The following GRM8 variants were observed in gnomAD, a reference collection of about 807,000 sequenced individuals.
GRM8 encodes metabotropic glutamate receptor 8.
In GRM8, 47 loss-of-function variants were observed where a neutral mutation model predicts 87.2. The ratio of observed to expected loss-of-function variants is 0.54; its 90% CI spans 0.43 to 0.69. The LOEUF (loss-of-function observed/expected upper bound fraction) is 0.69, where lower values mean the gene tolerates loss of function less well. GRM8 is among the 30% of genes least tolerant of loss of function. The probability of loss-of-function intolerance (pLI) is 0.00; values close to 1 mark genes in which losing one functional copy is unlikely to be tolerated. For missense variants in GRM8, 1,019 were observed against 1,139.2 expected (o/e 0.89, Z 1.52); for synonymous variants, 396 against 404.5 (o/e 0.98, Z 0.25).
chr7:127,184,773 G>A (rs1794648208), intron 2 of GRM8, among the ~76,000 whole-genome samples: 1 of 151,936 alleles, frequency 6.6e-6, no homozygotes, highest in Non-Finnish European at 1.5e-5. Flanking sequence ...AGTGAGTATA[G>A]CAAGGTCACT....
chr7:127,042,202 C>T (rs1818490171), intron 3 of GRM8, among the ~76,000 whole-genome samples: 1 of 152,154 alleles, frequency 6.6e-6, no homozygotes, highest in Non-Finnish European at 1.5e-5. Context: ...CAGGGGAATA[C>T]TTTAGAGTTC....
At chr7:126,849,231 T>C (rs761154505) in intron 6 of GRM8, among the ~76,000 whole-genome samples, 26 of 152,180 alleles carry the variant, frequency 1.7e-4, no homozygotes, top group Non-Finnish European at 3.4e-4. Context: ...TGATAAATAC[T>C]TGTCCCATTA....
intron 7 of GRM8, among the ~76,000 whole-genome samples, chr7:126,700,197 C>G (rs986210564): frequency 6.6e-6 from 1 of 152,082 alleles, no homozygotes; most frequent in African/African-American, 2.4e-5. Flanking sequence ...AGCAATTTCA[C>G]AATATCTAGA....
chr7:127,174,205 A>G (rs1005797276), intron 2 of GRM8, among the ~76,000 whole-genome samples: 1 of 152,132 alleles, frequency 6.6e-6, no homozygotes, highest in South Asian at 2.1e-4. Flanking sequence ...TCCCTCTTTC[A>G]CTGTCATAAC....
chr7:127,147,473 T>A lies in GRM8; in HGVS notation c.511-40761A>T, dbSNP rs11563704. Reference sequence around the variant, plus strand: ...TGGGTACTTCTCTGCTAACTACTAATAAGCTGCAGTTTTCTCTTGGTCTCT... The same window carrying A: ...TGGGTACTTCTCTGCTAACTACTAAAAAGCTGCAGTTTTCTCTTGGTCTCT... On this transcript the variant is annotated intron_variant, in intron 2 of 10. Coordinates refer to ENST00000339582, the MANE Select transcript of GRM8 (RefSeq NM_000845.3). Among the ~76,000 whole-genome samples, 1,148 of 152,148 alleles carry A rather than the reference T, an allele frequency of 7.5e-3. 12 individuals are homozygous for A. Among genetic ancestry groups the A allele is most frequent in the Middle Eastern group, 0.024 (7 of 294 alleles).
intron 7 of GRM8, among the ~76,000 whole-genome samples, chr7:126,611,496 CA>C (rs1350074489): frequency 6.6e-6 from 1 of 152,118 alleles, no homozygotes; most frequent in Non-Finnish European, 1.5e-5. Flanking sequence ...TATTGAAATT[CA>C]AATGAGGAAG....
chr7:126,630,945 G>T (rs971326681), intron 7 of GRM8, among the ~76,000 whole-genome samples: 1 of 152,092 alleles, frequency 6.6e-6, no homozygotes, highest in African/African-American at 2.4e-5. Context: ...GGCAAAAGCT[G>T]AAAGCATTCC....
chr7:126,523,341 G>A (rs1554379874), intron 9 of GRM8, among the ~76,000 whole-genome samples: 2 of 151,856 alleles, frequency 1.3e-5, no homozygotes, highest in Non-Finnish European at 1.5e-5. Context: ...GAGTTTGAAT[G>A]TTTTTTTGTT....
intron 6 of GRM8, among the ~76,000 whole-genome samples, chr7:126,801,550 A>C (rs1199874507): frequency 1.5e-5 from 1 of 66,564 alleles, no homozygotes; most frequent in South Asian, 4.6e-4. Context: ...TAGTATTACT[A>C]TGTGGCTGGT....
In GRM8 at chr7:126,685,309, G is replaced by T. The variant is rs554939850; in HGVS notation, c.1358-75811C>A. Among the ~76,000 whole-genome samples, 1 of 152,142 alleles carries T rather than the reference G, an allele frequency of 6.6e-6. No individual in the cohort carries two copies. Among genetic ancestry groups the T allele is most frequent in the African/African-American group, 2.4e-5 (1 of 41,446 alleles). On this transcript the variant is annotated intron_variant, in intron 7 of 10. Transcript: ENST00000339582. This position sits in a 1 kb window ranked among gnomAD's most constrained non-coding sequence, Gnocchi z 4.2. ...TTGGGCACAGAGGGGTGACCAGAGA[G>T]GGGACTCGAGGCGGAGCCGGGCCTG...
chr7:127,101,422 C>A (rs1167371095), intron 3 of GRM8, among the ~76,000 whole-genome samples: 1 of 152,136 alleles, frequency 6.6e-6, no homozygotes, highest in African/African-American at 2.4e-5. Flanking sequence ...GAAGGTGGGG[C>A]CTGGTGAGAG....
At chr7:126,459,961 C>T (rs1040612017) in intron 9 of GRM8, among the ~76,000 whole-genome samples, 2 of 151,516 alleles carry the variant, frequency 1.3e-5, no homozygotes, top group African/African-American at 4.8e-5. Context: ...TTTTTACCTG[C>T]TCTTTTTATG....
At chr7:127,183,819 A>G (rs1794601896) in intron 2 of GRM8, among the ~76,000 whole-genome samples, 1 of 151,858 alleles carries the variant, frequency 6.6e-6, no homozygotes, top group Admixed American at 6.6e-5. Context: ...GACACAAATT[A>G]CTAATATCAG....
At chr7:126,799,456 T>C (rs758872058) in intron 6 of GRM8, among the ~76,000 whole-genome samples, 2 of 152,120 alleles carry the variant, frequency 1.3e-5, no homozygotes, top group Non-Finnish European at 2.9e-5. Flanking sequence ...TCATTTAAAA[T>C]ACACTAACAA....
At chr7:127,081,293 T>A (rs769303880) in intron 3 of GRM8, among the ~76,000 whole-genome samples, 1 of 152,124 alleles carries the variant, frequency 6.6e-6, no homozygotes, top group Non-Finnish European at 1.5e-5. Flanking sequence ...GCCTTCTCCA[T>A]CCCTGTGCAG....
chr7:126,765,660 C>A (rs554625054), intron 7 of GRM8, among the ~76,000 whole-genome samples: 20 of 152,092 alleles, frequency 1.3e-4, no homozygotes, highest in Non-Finnish European at 2.2e-4. Flanking sequence ...CCTAAAATAT[C>A]TAACCTCCTT....
At chr7:127,202,260 A>ACC (rs35808297) in intron 2 of GRM8, among the ~76,000 whole-genome samples, 61,419 of 151,778 alleles carry the variant, frequency 0.4, 13,340 homozygotes, top group Middle Eastern at 0.53. Context: ...GCTCACTATG[A>ACC]TCTGCCTCTC....
At chr7:126,863,293 A>C (rs1300972964) in intron 6 of GRM8, among the ~76,000 whole-genome samples, 2 of 152,126 alleles carry the variant, frequency 1.3e-5, no homozygotes, top group Non-Finnish European at 2.9e-5. Flanking sequence ...GCCACATTTT[A>C]TTAAACTTAT....
chr7:127,106,704 T>C lies in GRM8; in HGVS notation c.519A>G (p.Gln173=), dbSNP rs992776116. 8.7e-6 allele frequency: 14 copies of C among 1,608,586 alleles called. No individual in the cohort carries two copies. The African/African-American group carries it at 1.5e-4, about 17-fold the overall frequency. The change falls in exon 3 of 11, where the codon CAA becomes CAG. Residue 173 remains glutamine, a synonymous_variant. Coordinates refer to ENST00000339582, the MANE Select transcript of GRM8 (RefSeq NM_000845.3). ...ANILRLFKIP[Q]ISYASTAPEL... ...CTGGGGCTGTGGATGCATAGCTGATTTGAGGTATCTGCAAAACAAATGATG... is the reference window on the plus strand; with the variant it reads ...CTGGGGCTGTGGATGCATAGCTGATCTGAGGTATCTGCAAAACAAATGATG...
Sources: gnomAD v4.1 joint callset for allele counts (sites outside exome capture counted in the v4.1 genomes callset) on GRCh38, gnomAD v4.1.1 for gene constraint, Gnocchi (gnomAD v3.1) non-coding constraint, MANE v1.5 for transcripts, NCBI Gene and HGNC (gene_info 2026-07-23, HGNC 2026-07-21) for gene names.